Variants in MCCC1 observed in about 807,000 individuals in gnomAD.
MCCC1 encodes the protein methylcrotonyl-CoA carboxylase subunit 1.
Under a neutral mutation model 83.8 loss-of-function variants are expected in MCCC1, and 64 were observed. The ratio of observed to expected loss-of-function variants is 0.76; its 90% CI spans 0.62 to 0.94. The LOEUF (loss-of-function observed/expected upper bound fraction) is 0.94, where lower values mean the gene tolerates loss of function less well. MCCC1 is among the 40% of genes least tolerant of loss of function. The pLI is 0.00. For missense variants in MCCC1, 807 were observed against 904.7 expected, an observed-to-expected ratio of 0.89 and a Z score of 1.39; for synonymous variants, 322 against 315.4, an observed-to-expected ratio of 1.02 and a Z score of -0.22.
intron 4 of MCCC1, among the ~76,000 whole-genome samples, chr3:183,077,165 C>T (rs1717137114): frequency 6.6e-6 from 1 of 152,116 alleles, no homozygotes; most frequent in Admixed American, 6.5e-5. Flanking sequence ...ATTGTTCCTA[C>T]TTTTTTGGCT....
chr3:183,057,104 G>T (rs905153742), intron 8 of MCCC1, among the ~76,000 whole-genome samples: 1 of 152,180 alleles, frequency 6.6e-6, no homozygotes, highest in Non-Finnish European at 1.5e-5. Flanking sequence ...GAAGGAACAT[G>T]ACCCTGTTGT....
At chr3:183,037,670 A>G (rs950138325) in intron 12 of MCCC1, among the ~76,000 whole-genome samples, 19 of 152,324 alleles carry the variant, frequency 1.2e-4, no homozygotes, top group South Asian at 2.1e-4. Context: ...CTTGACACTA[A>G]AAATTACATT....
chr3:183,099,176 G>A (rs1718964566), intron 1 of MCCC1, 176 bp downstream of exon 1: 11 of 678,472 alleles, frequency 1.6e-5, no homozygotes, highest in Non-Finnish European at 2.8e-5. Context: ...GGGCTGGTGG[G>A]GATGTCTTCC....
rs1307160051 is a variant in MCCC1 at position 183,086,710 on chromosome 3, T to G, written c.352A>C (p.Lys118Gln). 6.2e-7 allele frequency: 1 copy of G among 1,614,182 alleles called. No individual in the cohort carries two copies. Among genetic ancestry groups the G allele is most frequent in the East Asian group, 2.2e-5 (1 of 44,890 alleles). ...LSMEKIIQVAKTSAAQAIHPG... is the reference protein window; with the variant it reads ...LSMEKIIQVAQTSAAQAIHPG... ...ACCCTCACCTGTGCAGCAGAGGTCT[T>G]GGCCACTTGAATGATTTTCTCCATA... Residue 118 changes from lysine to glutamine, a missense_variant, in exon 4 of 19, where the codon AAG becomes CAG. By Grantham distance (53) the Lys-to-Gln change is moderately conservative. Transcript: ENST00000265594.
intron 14 of MCCC1, 131 bp downstream of exon 14, chr3:183,033,860 C>T (rs978858721): frequency 1.5e-6 from 1 of 673,654 alleles, no homozygotes; most frequent in African/African-American, 1.8e-5. Context: ...TGGCATATTT[C>T]CCTCCAATGT....
chr3:183,097,842 T>C (rs983105528), intron 1 of MCCC1, among the ~76,000 whole-genome samples: 3 of 152,166 alleles, frequency 2.0e-5, no homozygotes, highest in African/African-American at 7.2e-5. Flanking sequence ...TGAAGAGCCC[T>C]GGAGGCCTAA....
At chr3:183,033,426 A>G (rs1240188973) in intron 14 of MCCC1, among the ~76,000 whole-genome samples, 1 of 152,202 alleles carries the variant, frequency 6.6e-6, no homozygotes, top group African/African-American at 2.4e-5. Context: ...TTCATCTTCC[A>G]TACGTGGGTA....
At chr3:183,050,584 T>G (rs1224886556) in intron 9 of MCCC1, among the ~76,000 whole-genome samples, 1 of 151,310 alleles carries the variant, frequency 6.6e-6, no homozygotes, top group East Asian at 2.0e-4. Flanking sequence ...CACGTGCCTG[T>G]AATCCCAGCT....
rs988389418 is a variant in MCCC1 at position 183,015,312 on chromosome 3, T to C, written c.*126A>G. 8 of 948,192 alleles carry C rather than the reference T, an allele frequency of 8.4e-6. No individual in the cohort carries two copies. In the African/African-American group the frequency reaches 1.3e-4, roughly 15 times the overall value. 58.7% of individuals were successfully genotyped at this position (948,192 alleles called of 1,614,324 possible). On this transcript the variant is annotated 3_prime_UTR_variant, in exon 19 of 19. Transcript: ENST00000265594. ...GCATGATTCTCCAATATGAAAGGTGTTCAGCATAAGCATACAATCATTTAG... is the reference window on the plus strand; with the variant it reads ...GCATGATTCTCCAATATGAAAGGTGCTCAGCATAAGCATACAATCATTTAG...
At chr3:183,048,586 G>A (rs2108491279) in intron 9 of MCCC1, among the ~76,000 whole-genome samples, 1 of 152,272 alleles carries the variant, frequency 6.6e-6, no homozygotes, top group Non-Finnish European at 1.5e-5. Context: ...TAACAACAGA[G>A]CATAAAATAT....
At chr3:183,082,192 C>T (rs945827676) in intron 4 of MCCC1, among the ~76,000 whole-genome samples, 2 of 152,216 alleles carry the variant, frequency 1.3e-5, no homozygotes, top group African/African-American at 2.4e-5. Flanking sequence ...TTCCTACCTT[C>T]GTCTGTGATA....
intron 14 of MCCC1, among the ~76,000 whole-genome samples, chr3:183,028,452 T>C (rs545120202): frequency 1.3e-5 from 2 of 152,314 alleles, no homozygotes; most frequent in South Asian, 2.1e-4. Flanking sequence ...TTTCAAGTCT[T>C]ATTAAGAAAT....
intron 3 of MCCC1, among the ~76,000 whole-genome samples, chr3:183,088,728 A>G (rs1203409369): frequency 1.3e-5 from 2 of 152,218 alleles, no homozygotes; most frequent in African/African-American, 4.8e-5. Flanking sequence ...TCTTGTTTTT[A>G]CATAAATAGG....
chr3:183,048,762 C>T (rs1714740980), intron 9 of MCCC1, among the ~76,000 whole-genome samples: 1 of 152,160 alleles, frequency 6.6e-6, no homozygotes, highest in African/African-American at 2.4e-5. Flanking sequence ...ATACAACTGT[C>T]ATCTATAGAC....
At chr3:183,082,452 G>A (rs1717580608) in intron 4 of MCCC1, among the ~76,000 whole-genome samples, 2 of 152,198 alleles carry the variant, frequency 1.3e-5, no homozygotes, top group South Asian at 4.1e-4. Context: ...TAAGTGTACA[G>A]CTCTTAAGTC....
chr3:183,115,817 A>G (rs1719578033), exon 1 of MCCC1: 1 of 152,152 alleles, frequency 6.6e-6, no homozygotes, highest in African/African-American at 2.4e-5. Flanking sequence ...ACGCCACTGC[A>G]CTCCAGCCTG....
At position 183,048,110 on chromosome 3, in the gene MCCC1, G is replaced by A. The variant is rs112602251; in HGVS notation, c.956-2570C>T. On this transcript the variant is annotated intron_variant, in intron 9 of 18. Coordinates refer to ENST00000265594, the MANE Select transcript of MCCC1 (RefSeq NM_020166.5). ...AACCATTGTTATATTGAATAAAATG[G>A]TGTTATGCAGCATATGACTGTACTT... is the stretch of plus-strand genomic sequence containing the variant. Among the ~76,000 whole-genome samples, 711 of 152,260 alleles carry A rather than the reference G, an allele frequency of 4.7e-3. 5 individuals are homozygous for A. Among genetic ancestry groups the A allele is most frequent in the African/African-American group, 0.016 (676 of 41,562 alleles).
At chr3:183,047,559 C>T (rs1181584531) in intron 9 of MCCC1, among the ~76,000 whole-genome samples, 5 of 151,300 alleles carry the variant, frequency 3.3e-5, no homozygotes, top group African/African-American at 1.2e-4. Flanking sequence ...GATTAACAGG[C>T]TAAGGGCTTT....
At chr3:183,104,159 A>G (rs1014879516), upstream of MCCC1, among the ~76,000 whole-genome samples, 3 of 152,208 alleles carry the variant, frequency 2.0e-5, no homozygotes, top group Non-Finnish European at 4.4e-5. Context: ...TGAGGGAGCC[A>G]GCTCCGGCCT....
Sources: allele counts gnomAD v4.1 joint callset (sites outside exome capture counted in the v4.1 genomes callset), GRCh38; gene constraint gnomAD v4.1.1; transcripts MANE v1.5; gene names NCBI Gene and HGNC (gene_info 2026-07-23, HGNC 2026-07-21).